The following FSTL4 variants were observed in gnomAD, a reference collection of about 807,000 sequenced individuals.
FSTL4 encodes the protein follistatin-related protein 4.
In FSTL4, 28 loss-of-function variants were observed where a neutral mutation model predicts 78.2. The ratio of observed to expected loss-of-function variants is 0.36; its 90% CI spans 0.27 to 0.49. FSTL4 has a LOEUF of 0.49. Among genes scored for constraint, FSTL4 ranks in the 20% least tolerant of loss-of-function variants. The pLI is 0.98. For synonymous variants in FSTL4, 422 were observed against 440.5 expected (o/e 0.96, Z 0.53); for missense variants, 922 against 1,084.9 (o/e 0.85, Z 2.11).
intron 6 of FSTL4, among the ~76,000 whole-genome samples, chr5:133,309,985 C>G (rs1753742092): frequency 6.6e-6 from 1 of 152,202 alleles, no homozygotes; most frequent in African/African-American, 2.4e-5. Flanking sequence ...TAATGCCCAT[C>G]GATTGCTGGG....
At chr5:133,497,476 G>A (rs1758391356) in intron 3 of FSTL4, among the ~76,000 whole-genome samples, 1 of 152,178 alleles carries the variant, frequency 6.6e-6, no homozygotes, top group Non-Finnish European at 1.5e-5. Flanking sequence ...TTGCCTGAGG[G>A]GCAGGAGAAG....
the FSTL4 span, among the ~76,000 whole-genome samples, chr5:133,717,052 A>C: frequency 6.6e-6 from 1 of 152,216 alleles, no homozygotes; most frequent in Non-Finnish European, 1.5e-5. Flanking sequence ...TGGCCTGTAA[A>C]TAGTTTCTTC....
At chr5:133,831,697 C>T in the FSTL4 span, among the ~76,000 whole-genome samples, 1 of 152,194 alleles carries the variant, frequency 6.6e-6, no homozygotes, top group Non-Finnish European at 1.5e-5. Flanking sequence ...AAGATGTGCC[C>T]TCTGGGGATG....
chr5:133,214,369 A>G (rs1353448474), intron 13 of FSTL4, among the ~76,000 whole-genome samples: 2 of 152,192 alleles, frequency 1.3e-5, no homozygotes, highest in Non-Finnish European at 2.9e-5. Context: ...CAGTTGGAAC[A>G]TGTCCCATTG....
At chr5:133,423,189 G>A (rs980592384) in intron 3 of FSTL4, among the ~76,000 whole-genome samples, 39 of 152,266 alleles carry the variant, frequency 2.6e-4, no homozygotes, top group African/African-American at 9.2e-4. Flanking sequence ...GAATGAATGG[G>A]CGGCTTGTTT....
chr5:133,827,209 G>T, the FSTL4 span, among the ~76,000 whole-genome samples: 6 of 152,174 alleles, frequency 3.9e-5, no homozygotes, highest in African/African-American at 1.4e-4. Context: ...GCACCAATAG[G>T]TCTCCATCCA....
At chr5:133,497,805 A>T (rs1161401899) in intron 3 of FSTL4, among the ~76,000 whole-genome samples, 1 of 152,252 alleles carries the variant, frequency 6.6e-6, no homozygotes, top group African/African-American at 2.4e-5. Context: ...ACAACTAAAA[A>T]GAAAAATGTT....
intron 3 of FSTL4, among the ~76,000 whole-genome samples, chr5:133,428,177 G>A (rs1486436781): frequency 1.3e-5 from 2 of 152,206 alleles, no homozygotes; most frequent in African/African-American, 4.8e-5. Context: ...ATGAAAAACT[G>A]TGTGTGTATA....
chr5:133,707,462 C>T, the FSTL4 span, among the ~76,000 whole-genome samples: 6 of 152,150 alleles, frequency 3.9e-5, no homozygotes, highest in African/African-American at 1.4e-4. Context: ...CCAAATAGCG[C>T]CAAACAATTG....
Position 133,225,736 on chromosome 5 carries a change from T to C in FSTL4, c.1099A>G (p.Ile367Val). ...AASLRCHAEG[I>V]PMPRITWLKN... ...AGCCAAGTGATTCTGGGCATGGGAA[T>C]GCCCTCAGCATGGCATCTTAGGCTG... The change falls in exon 9 of 16, where the codon ATT (isoleucine) becomes GTT (valine). Residue 367 changes from isoleucine to valine, a missense_variant. Physicochemically the swap from Ile to Val is conservative, Grantham distance 29. Transcript: ENST00000265342. This position sits in a 1 kb window ranked among gnomAD's most constrained non-coding sequence, Gnocchi z 4.6. 6.2e-7 allele frequency: 1 copy of C among 1,612,714 alleles called. No individual in the cohort carries two copies. Among genetic ancestry groups the C allele is most frequent in the Non-Finnish European group, 8.5e-7 (1 of 1,179,282 alleles).
At chr5:133,704,856 A>G in the FSTL4 span, among the ~76,000 whole-genome samples, 3 of 152,334 alleles carry the variant, frequency 2.0e-5, no homozygotes, top group African/African-American at 7.2e-5. Flanking sequence ...TGGCACACCC[A>G]CTACTGCTCT....
intron 4 of FSTL4, 143 bp from the exon 5 acceptor site, chr5:133,316,795 G>C: frequency 1.7e-6 from 1 of 604,034 alleles, no homozygotes; most frequent in Non-Finnish European, 2.9e-6. Flanking sequence ...GTCGTCGATG[G>C]GACTTGTTTG....
chr5:133,705,245 T>C, the FSTL4 span, among the ~76,000 whole-genome samples: 1 of 152,106 alleles, frequency 6.6e-6, no homozygotes, highest in Non-Finnish European at 1.5e-5. Flanking sequence ...ATTTTCAGTA[T>C]AGAAGGGGTT....
the FSTL4 span, among the ~76,000 whole-genome samples, chr5:133,801,144 G>C: frequency 6.6e-6 from 1 of 152,078 alleles, no homozygotes; most frequent in South Asian, 2.1e-4. Flanking sequence ...TCTGTTCCTC[G>C]GGCCCCAGGC....
intron 3 of FSTL4, among the ~76,000 whole-genome samples, chr5:133,564,938 G>C (rs1258632071): frequency 2.0e-5 from 3 of 152,170 alleles, no homozygotes; most frequent in Non-Finnish European, 4.4e-5. Context: ...GTTTCCAAAA[G>C]TCACATAATG....
the FSTL4 span, among the ~76,000 whole-genome samples, chr5:133,787,034 G>A: frequency 6.6e-6 from 1 of 152,100 alleles, no homozygotes; most frequent in Non-Finnish European, 1.5e-5. Flanking sequence ...CCCAACCCCT[G>A]CACCACCCTG....
the FSTL4 span, among the ~76,000 whole-genome samples, chr5:133,722,652 C>T: frequency 1.1e-4 from 16 of 152,242 alleles, no homozygotes; most frequent in East Asian, 1.9e-4. Context: ...GGTAGTATCA[C>T]TTTTCCTTGC....
intron 4 of FSTL4, among the ~76,000 whole-genome samples, chr5:133,358,195 C>A (rs1754982571): frequency 6.6e-6 from 1 of 152,170 alleles, no homozygotes; most frequent in Non-Finnish European, 1.5e-5. Flanking sequence ...CTCGGATAAT[C>A]CAGGATAAAC....
chr5:133,832,288 C>T, the FSTL4 span, among the ~76,000 whole-genome samples: 29,419 of 152,172 alleles, frequency 0.19, 3,438 homozygotes, highest in East Asian at 0.47. Flanking sequence ...TGAGCTCAGA[C>T]GATTTACAGT....
Sources: gnomAD v4.1 joint callset for allele counts (sites outside exome capture counted in the v4.1 genomes callset) on GRCh38, gnomAD v4.1.1 for gene constraint, Gnocchi (gnomAD v3.1) non-coding constraint, MANE v1.5 for transcripts, NCBI Gene and HGNC (gene_info 2026-07-23, HGNC 2026-07-21) for gene names.